Variants in DLG2 observed in about 807,000 individuals in gnomAD.
DLG2 encodes the protein discs large MAGUK scaffold protein 2, also known as disks large homolog 2.
Under a neutral mutation model 132.5 loss-of-function variants are expected in DLG2, and 45 were observed. That is an observed-to-expected ratio of 0.34 (90% confidence interval 0.27 to 0.44). The LOEUF (loss-of-function observed/expected upper bound fraction) is 0.44, where lower values mean the gene tolerates loss of function less well. DLG2 is among the 20% of genes least tolerant of loss of function. DLG2 has a pLI of 1.00. For synonymous variants in DLG2, 424 were observed against 419.6 expected (o/e 1.01, Z -0.13); for missense variants, 1,045 against 1,196.9 (o/e 0.87, Z 1.87).
intron 3 of DLG2, among the ~76,000 whole-genome samples, chr11:85,529,146 T>G (rs187815544): frequency 1.3e-5 from 2 of 152,350 alleles, no homozygotes; most frequent in Admixed American, 1.3e-4. Context: ...AGAGGTCGTT[T>G]GCAAGTTGTC....
chr11:84,252,798 T>A (rs1454727085), intron 7 of DLG2, among the ~76,000 whole-genome samples: 1 of 152,232 alleles, frequency 6.6e-6, no homozygotes, highest in Non-Finnish European at 1.5e-5. Context: ...AGATTTCATT[T>A]AGATAAAGGA....
At chr11:85,120,820 C>T (rs372515251) in intron 5 of DLG2, among the ~76,000 whole-genome samples, 4 of 151,924 alleles carry the variant, frequency 2.6e-5, no homozygotes, top group Non-Finnish European at 2.9e-5. Context: ...AAATGGTCTT[C>T]GAGGAGACTC....
chr11:84,004,108 T>C (rs981945409), intron 11 of DLG2, among the ~76,000 whole-genome samples: 1 of 152,100 alleles, frequency 6.6e-6, no homozygotes, highest in African/African-American at 2.4e-5. Flanking sequence ...TATTCCCTGA[T>C]ACCAAAACCT....
At chr11:84,280,020 G>A (rs2097836419) in intron 7 of DLG2, among the ~76,000 whole-genome samples, 1 of 152,078 alleles carries the variant, frequency 6.6e-6, no homozygotes, top group African/African-American at 2.4e-5. Context: ...TTGTCGGAGA[G>A]GTTCCAAACA....
At chr11:84,771,408 C>T (rs897898158) in intron 6 of DLG2, among the ~76,000 whole-genome samples, 2 of 152,052 alleles carry the variant, frequency 1.3e-5, no homozygotes, top group African/African-American at 4.8e-5. Flanking sequence ...TTTGGCCACA[C>T]GTCTTCTTTT....
chr11:84,911,034 C>A (rs1566361336), intron 6 of DLG2, among the ~76,000 whole-genome samples: 1 of 152,128 alleles, frequency 6.6e-6, no homozygotes, highest in East Asian at 1.9e-4. Context: ...TTTTTCTGTA[C>A]TGAAGTGACA....
At chr11:84,027,973 T>C (rs2095584895) in intron 11 of DLG2, among the ~76,000 whole-genome samples, 1 of 152,020 alleles carries the variant, frequency 6.6e-6, no homozygotes, top group Non-Finnish European at 1.5e-5. Context: ...AGTGACAACA[T>C]TCTGATTCTG....
chr11:85,284,937 G>A (rs2078462104), intron 4 of DLG2, among the ~76,000 whole-genome samples: 1 of 151,766 alleles, frequency 6.6e-6, no homozygotes, highest in Admixed American at 6.6e-5. Context: ...AGGTAACCAT[G>A]TTCTGAAACT....
chr11:83,479,854 C>T (rs976722834), intron 22 of DLG2, among the ~76,000 whole-genome samples: 4 of 152,022 alleles, frequency 2.6e-5, no homozygotes, highest in African/African-American at 9.7e-5. Context: ...TTAGAAATGT[C>T]ATAGTATCCT....
rs182091235 is a variant in DLG2, at chr11:84,250,021, G to A, written c.573+1217C>T. Among the ~76,000 whole-genome samples the A allele has an allele frequency of 2.6e-4, 39 of 152,112 alleles. 1 individual carries two copies. Among genetic ancestry groups the A allele is most frequent in the East Asian group, 2.5e-3 (13 of 5,176 alleles). ...CGGATTGCAGAACCTGCTCAGGACC[G>A]CCAGAACCTGCTCAGGACCGCCAGT... On this transcript the variant is annotated intron_variant, in intron 8 of 27. Coordinates refer to ENST00000376104, the MANE Select transcript of DLG2 (RefSeq NM_001142699.3).
rs554704605 is a variant in DLG2 at position 84,483,269 on chromosome 11, C to T, written c.519+51301G>A. Reference sequence around the variant, plus strand: ...CCAACCTAGTGAAACCCCGTCTCTACAAAAATACAAAAATTAGGCAGGCAT... The same window carrying T: ...CCAACCTAGTGAAACCCCGTCTCTATAAAAATACAAAAATTAGGCAGGCAT... On this transcript the variant is annotated intron_variant, in intron 7 of 27. Coordinates refer to ENST00000376104, the MANE Select transcript of DLG2 (RefSeq NM_001142699.3). Among the ~76,000 whole-genome samples, 3 of 151,448 alleles carry T rather than the reference C, an allele frequency of 2.0e-5. No individual in the cohort carries two copies. The South Asian group carries it at 6.3e-4, about 32-fold the overall frequency.
chr11:84,221,170 C>G (rs2154325853), intron 8 of DLG2, among the ~76,000 whole-genome samples: 1 of 151,814 alleles, frequency 6.6e-6, no homozygotes, highest in Admixed American at 6.6e-5. Context: ...ATCTGTGTAA[C>G]CATTAAAATT....
At chr11:84,205,664 A>G (rs1225705528) in intron 8 of DLG2, among the ~76,000 whole-genome samples, 3 of 152,166 alleles carry the variant, frequency 2.0e-5, no homozygotes, top group Non-Finnish European at 4.4e-5. Context: ...ATAAAAGCAT[A>G]ATAGATAACA....
intron 6 of DLG2, among the ~76,000 whole-genome samples, chr11:84,868,620 G>A (rs1434150407): frequency 6.6e-6 from 1 of 152,140 alleles, no homozygotes; most frequent in African/African-American, 2.4e-5. Flanking sequence ...GGAGTGTGTA[G>A]ATGTTGTAAA....
At chr11:85,195,618 G>A (rs2080991477) in intron 4 of DLG2, among the ~76,000 whole-genome samples, 1 of 151,532 alleles carries the variant, frequency 6.6e-6, no homozygotes, top group African/African-American at 2.4e-5. Flanking sequence ...CCGCCTCCAG[G>A]GTTCACGTCA....
intron 18 of DLG2, among the ~76,000 whole-genome samples, chr11:83,747,311 C>T (rs1057161377): frequency 1.4e-5 from 2 of 146,488 alleles, no homozygotes; most frequent in African/African-American, 5.0e-5. Flanking sequence ...TTCCTTCCTT[C>T]CTTCCTTCCT....
At chr11:84,512,802 C>CA (rs2099260764) in intron 7 of DLG2, among the ~76,000 whole-genome samples, 1 of 151,918 alleles carries the variant, frequency 6.6e-6, no homozygotes, top group Admixed American at 6.6e-5. Context: ...GAATACTACA[C>CA]AGCCATAAAA....
chr11:83,517,991 C>T (rs1029264087), intron 21 of DLG2, among the ~76,000 whole-genome samples: 8 of 152,210 alleles, frequency 5.3e-5, no homozygotes, highest in Non-Finnish European at 1.2e-4. Context: ...AGGAGGCAGT[C>T]TGTCTGTTCT....
chr11:83,583,496 G>A (rs1361192538), intron 19 of DLG2, among the ~76,000 whole-genome samples: 3 of 152,138 alleles, frequency 2.0e-5, no homozygotes, highest in Admixed American at 6.5e-5. Context: ...TCTGGGGCCT[G>A]GTATTAATTC....
Sources: gnomAD v4.1 joint callset for allele counts (sites outside exome capture counted in the v4.1 genomes callset) on GRCh38, gnomAD v4.1.1 for gene constraint, MANE v1.5 for transcripts, NCBI Gene and HGNC (gene_info 2026-07-23, HGNC 2026-07-21) for gene names.